PLCB4: variants seen among roughly 807,000 people sequenced by gnomAD.
PLCB4 encodes phospholipase C beta 4.
PLCB4 carries 77 observed loss-of-function variants against 178.8 expected under a neutral mutation model. That is an observed-to-expected ratio of 0.43 (90% confidence interval 0.36 to 0.52). The LOEUF is 0.52. Among genes scored for constraint, PLCB4 ranks in the 20% least tolerant of loss-of-function variants. The probability of loss-of-function intolerance (pLI) is 0.00; values close to 1 mark genes in which losing one functional copy is unlikely to be tolerated. For missense variants in PLCB4, 1,024 were observed against 1,453.4 expected (o/e 0.70, Z 4.80); for synonymous variants, 496 against 490.8 (o/e 1.01, Z -0.14).
chr20:9,198,154 G>A (rs2093496537), intron 2 of PLCB4, among the ~76,000 whole-genome samples: 1 of 151,930 alleles, frequency 6.6e-6, no homozygotes, highest in Non-Finnish European at 1.5e-5. Context: ...TATAACTAAG[G>A]TTTTTATATC....
At chr20:9,352,038 T>C (rs1483952596) in intron 7 of PLCB4, among the ~76,000 whole-genome samples, 1 of 152,242 alleles carries the variant, frequency 6.6e-6, no homozygotes, top group African/African-American at 2.4e-5. Flanking sequence ...AAACTGATGG[T>C]TGCTGACTGG....
At position 9,118,420 on chromosome 20, in the gene PLCB4, TA is replaced by T. The variant is rs889496848; in HGVS notation, c.-79+22087del. 1.5e-3 allele frequency among the ~76,000 whole-genome samples: 219 copies of T among 150,482 alleles called. 1 individual carries two copies. The highest frequency in any genetic ancestry group is 3.5e-3 in the Middle Eastern group (1 of 288). ...GGAAATAAAAATAACTTTAAAAAGT[TA>T]AAAAAAAAGAAAAAGGACAAATTAA... On this transcript the variant is annotated intron_variant, in intron 2 of 39. Transcript: ENST00000378473.
intron 3 of PLCB4, among the ~76,000 whole-genome samples, chr20:9,230,235 A>T (rs577123951): frequency 6.6e-6 from 1 of 152,176 alleles, no homozygotes; most frequent in East Asian, 1.9e-4. Flanking sequence ...CAACAGCCTT[A>T]TTCTAACTTA....
chr20:9,215,689 T>C (rs973334964), intron 2 of PLCB4, among the ~76,000 whole-genome samples: 2 of 152,226 alleles, frequency 1.3e-5, no homozygotes, highest in South Asian at 4.1e-4. Context: ...TGGTTAAATG[T>C]TAGGTTAAAA....
intron 2 of PLCB4, among the ~76,000 whole-genome samples, chr20:9,145,148 A>T (rs1393085827): frequency 6.6e-6 from 1 of 152,096 alleles, no homozygotes. Flanking sequence ...GTGAAAACAA[A>T]AATATTTCTC....
At chr20:9,145,158 C>G (rs1358092267) in intron 2 of PLCB4, among the ~76,000 whole-genome samples, 1 of 152,064 alleles carries the variant, frequency 6.6e-6, no homozygotes, top group Non-Finnish European at 1.5e-5. Context: ...AAATATTTCT[C>G]CAGTATGTTT....
chr20:9,281,798 T>A (rs2094496576), intron 3 of PLCB4, among the ~76,000 whole-genome samples: 1 of 152,052 alleles, frequency 6.6e-6, no homozygotes, highest in East Asian at 1.9e-4. Context: ...TGAAAAAAAA[T>A]TGGCATTGAA....
At chr20:9,471,003 A>C (rs553144713) in intron 36 of PLCB4, among the ~76,000 whole-genome samples, 39 of 152,360 alleles carry the variant, frequency 2.6e-4, no homozygotes, top group African/African-American at 7.2e-5. Flanking sequence ...AAATTTAAAA[A>C]TTTGTCATAG....
At chr20:9,326,827 C>T (rs2030674326) in intron 4 of PLCB4, among the ~76,000 whole-genome samples, 1 of 152,118 alleles carries the variant, frequency 6.6e-6, no homozygotes, top group South Asian at 2.1e-4. Flanking sequence ...TCTAAGTCAA[C>T]CCAGAGTTAC....
intron 3 of PLCB4, among the ~76,000 whole-genome samples, chr20:9,224,806 C>CTA (rs1202376002): frequency 6.6e-6 from 1 of 152,176 alleles, no homozygotes; most frequent in Non-Finnish European, 1.5e-5. Flanking sequence ...GAGAACTTTC[C>CTA]TAACAGTTGC....
At chr20:9,250,959 T>C (rs1469875794) in intron 3 of PLCB4, among the ~76,000 whole-genome samples, 1 of 152,230 alleles carries the variant, frequency 6.6e-6, no homozygotes, top group Non-Finnish European at 1.5e-5. Context: ...AGTATAGTAG[T>C]GACTATGCAT....
chr20:9,315,180 TTA>T (rs1365937287), intron 4 of PLCB4, among the ~76,000 whole-genome samples: 20 of 152,224 alleles, frequency 1.3e-4, no homozygotes, highest in Admixed American at 1.3e-3. Context: ...ATGTGTATAC[TTA>T]TATGAGTCTT....
rs146269132 is a variant in PLCB4, at chr20:9,238,045, G to T, written c.-16+20593G>T. On this transcript the variant is annotated intron_variant, in intron 3 of 39. Transcript: ENST00000378473. Reference sequence around the variant, plus strand: ...GGTTTAGAAGACTGGCCTGGTTAGGGATAGGGACTGCGAAAGAAGGAAATG... The same window carrying T: ...GGTTTAGAAGACTGGCCTGGTTAGGTATAGGGACTGCGAAAGAAGGAAATG... 7.4e-3 allele frequency among the ~76,000 whole-genome samples: 1,121 copies of T among 152,254 alleles called. 17 individuals carry two copies. Among genetic ancestry groups the T allele is most frequent in the African/African-American group, 0.026 (1,078 of 41,552 alleles).
intron 2 of PLCB4, among the ~76,000 whole-genome samples, chr20:9,120,641 A>G (rs1210108362): frequency 6.6e-6 from 1 of 152,076 alleles, no homozygotes; most frequent in African/African-American, 2.4e-5. Flanking sequence ...GGGTTTCCCC[A>G]TATGTTCCTG....
intron 2 of PLCB4, among the ~76,000 whole-genome samples, chr20:9,123,583 T>C (rs187371291): frequency 9.2e-5 from 14 of 151,970 alleles, no homozygotes; most frequent in Non-Finnish European, 1.6e-4. Context: ...GAGTAAAAAA[T>C]ATTTTGTTCA....
At chr20:9,220,765 T>C (rs2093788391) in intron 3 of PLCB4, among the ~76,000 whole-genome samples, 1 of 152,218 alleles carries the variant, frequency 6.6e-6, no homozygotes, top group Admixed American at 6.5e-5. Flanking sequence ...TCCTGTCTTC[T>C]CTTACACCTT....
At chr20:9,468,502 T>A (rs2043957917) in intron 35 of PLCB4, 69 bp from the exon 36 acceptor site, 1 of 915,448 alleles carries the variant, frequency 1.1e-6, no homozygotes, top group Admixed American at 1.8e-5. Flanking sequence ...CCCAGGTGAA[T>A]CTCTCTACCC....
At chr20:9,330,797 CA>C (rs2031535516) in intron 4 of PLCB4, among the ~76,000 whole-genome samples, 2 of 152,172 alleles carry the variant, frequency 1.3e-5, no homozygotes, top group African/African-American at 4.8e-5. Context: ...TTTCCATCAT[CA>C]CGGTAAATCC....
intron 13 of PLCB4, 23 bp downstream of exon 13, chr20:9,380,185 T>TA: frequency 1.7e-6 from 2 of 1,177,374 alleles, no homozygotes; most frequent in Non-Finnish European, 2.4e-6. Flanking sequence ...AAAAAAGGAC[T>TA]TAAAAAAAAA....
Sources: gnomAD v4.1 joint callset for allele counts (sites outside exome capture counted in the v4.1 genomes callset) on GRCh38, gnomAD v4.1.1 for gene constraint, MANE v1.5 for transcripts, NCBI Gene and HGNC (gene_info 2026-07-23, HGNC 2026-07-21) for gene names.